Variants in KCNQ5 observed in about 807,000 individuals in gnomAD.
KCNQ5 encodes the protein potassium voltage-gated channel subfamily KQT member 5.
KCNQ5 carries 30 observed loss-of-function variants against 98.2 expected under a neutral mutation model. That is an observed-to-expected ratio of 0.31 (90% CI 0.23 to 0.41). The LOEUF (loss-of-function observed/expected upper bound fraction) is 0.41, where lower values mean the gene tolerates loss of function less well. Among genes scored for constraint, KCNQ5 ranks in the 10% least tolerant of loss-of-function variants. The probability of loss-of-function intolerance (pLI) is 1.00; values close to 1 mark genes in which losing one functional copy is unlikely to be tolerated. For synonymous variants in KCNQ5, 458 were observed against 449.4 expected (o/e 1.02, Z -0.24); for missense variants, 835 against 1,182.5 (o/e 0.71, Z 4.31).
intron 1 of KCNQ5, among the ~76,000 whole-genome samples, chr6:72,769,961 C>T (rs1355287505): frequency 1.3e-5 from 2 of 152,072 alleles, no homozygotes; most frequent in Admixed American, 6.6e-5. Context: ...TCTCTCACAC[C>T]CTCCTGGACA....
intron 2 of KCNQ5, among the ~76,000 whole-genome samples, chr6:73,019,954 T>C (rs1770515373): frequency 6.6e-6 from 1 of 152,198 alleles, no homozygotes; most frequent in African/African-American, 2.4e-5. Flanking sequence ...CCAAATATTT[T>C]TTAGAATTAA....
At chr6:72,769,867 T>C (rs970039007) in intron 1 of KCNQ5, among the ~76,000 whole-genome samples, 1 of 152,116 alleles carries the variant, frequency 6.6e-6, no homozygotes, top group Non-Finnish European at 1.5e-5. Context: ...TGCAAAGAAC[T>C]CAACAGCTGT....
intron 11 of KCNQ5, among the ~76,000 whole-genome samples, chr6:73,177,577 G>A (rs1425566317): frequency 6.6e-6 from 1 of 152,160 alleles, no homozygotes; most frequent in Admixed American, 6.5e-5. Context: ...TCATATTTCA[G>A]GCAAGAATAC....
chr6:73,061,475 A>G (rs1772777416), intron 3 of KCNQ5, among the ~76,000 whole-genome samples: 1 of 152,132 alleles, frequency 6.6e-6, no homozygotes, highest in Non-Finnish European at 1.5e-5. Flanking sequence ...CAATATTTGG[A>G]TGGGTTAATG....
Position 72,622,126 on chromosome 6 carries a change from C to A in KCNQ5, c.-64C>A. 8.3e-7 allele frequency: 1 copy of A among 1,200,520 alleles called. No individual in the cohort carries two copies. The highest frequency in any genetic ancestry group is 1.0e-6 in the Non-Finnish European group (1 of 965,314). The allele number at this position is 1,200,520 out of a possible 1,614,324, so 74.4% of individuals were successfully genotyped here. On this transcript the variant is annotated 5_prime_UTR_variant, in exon 1 of 14. Transcript: ENST00000370398. This position sits in a 1 kb window ranked among gnomAD's most constrained non-coding sequence, Gnocchi z 6.0. ...GCTTCCTCCTTGAAACCCGCCGGCGCACATGAGGCCGCTGCCCCCGCCGCA... is the reference window on the plus strand; with the variant it reads ...GCTTCCTCCTTGAAACCCGCCGGCGAACATGAGGCCGCTGCCCCCGCCGCA...
chr6:72,809,096 C>T (rs1225631581), intron 1 of KCNQ5, among the ~76,000 whole-genome samples: 1 of 151,606 alleles, frequency 6.6e-6, no homozygotes, highest in Non-Finnish European at 1.5e-5. Flanking sequence ...TTTGTAGGGA[C>T]ATGGATGAAA....
At chr6:73,093,768 G>C (rs1305078313) in intron 5 of KCNQ5, among the ~76,000 whole-genome samples, 1 of 152,114 alleles carries the variant, frequency 6.6e-6, no homozygotes, top group African/African-American at 2.4e-5. Flanking sequence ...TGGTCTGAGA[G>C]AGTGCTTGAT....
chr6:73,146,073 C>G (rs1004453600), intron 10 of KCNQ5, among the ~76,000 whole-genome samples: 3 of 152,160 alleles, frequency 2.0e-5, no homozygotes, highest in African/African-American at 7.2e-5. Context: ...GGTGGGGATA[C>G]AGAGCGAAAC....
chr6:73,146,940 G>A (rs1488712624), intron 10 of KCNQ5, among the ~76,000 whole-genome samples: 2 of 152,094 alleles, frequency 1.3e-5, no homozygotes, highest in African/African-American at 4.8e-5. Flanking sequence ...TTTTCACCAG[G>A]CTGTGAGTTT....
intron 1 of KCNQ5, among the ~76,000 whole-genome samples, chr6:72,760,820 G>A (rs565950924): frequency 6.6e-6 from 1 of 152,200 alleles, no homozygotes; most frequent in African/African-American, 2.4e-5. Context: ...AAGTACAGTA[G>A]TGTCTGTACT....
At chr6:73,078,005 T>G (rs917538946) in intron 5 of KCNQ5, 118 bp downstream of exon 5, 9 of 824,784 alleles carry the variant, frequency 1.1e-5, no homozygotes, top group Non-Finnish European at 1.6e-5. Context: ...AAGAGAGTTA[T>G]ATGGAAAATA....
At chr6:72,926,873 C>T (rs1345541817) in intron 1 of KCNQ5, among the ~76,000 whole-genome samples, 1 of 152,064 alleles carries the variant, frequency 6.6e-6, no homozygotes, top group Non-Finnish European at 1.5e-5. Context: ...ACATTAGCAC[C>T]TCTTAATAAA....
intron 1 of KCNQ5, among the ~76,000 whole-genome samples, chr6:72,785,795 C>A (rs1187517165): frequency 6.6e-6 from 1 of 152,154 alleles, no homozygotes; most frequent in Non-Finnish European, 1.5e-5. Context: ...GAAGCTAAAT[C>A]ATCACCGCTT....
chr6:73,029,843 G>A (rs1348525100), intron 2 of KCNQ5, among the ~76,000 whole-genome samples: 1 of 145,058 alleles, frequency 6.9e-6, no homozygotes, highest in African/African-American at 2.5e-5. Flanking sequence ...CCTGGGAGGC[G>A]GAGCTTGCAG....
chr6:72,984,656 C>T (rs1768663058), intron 1 of KCNQ5, among the ~76,000 whole-genome samples: 1 of 152,216 alleles, frequency 6.6e-6, no homozygotes, highest in Non-Finnish European at 1.5e-5. Context: ...CCCCCCACCC[C>T]TTGTGCTTCC....
chr6:72,862,015 T>G lies in KCNQ5; in HGVS notation c.399-141893T>G, dbSNP rs1222944452. Among the ~76,000 whole-genome samples the G allele has an allele frequency of 2.6e-5, 4 of 152,162 alleles. No homozygotes were observed. The South Asian group carries it at 8.3e-4, about 32-fold the overall frequency. ...ATGACTTCCCGGCCCTACTAAATCT[T>G]TAGTACATGTGGTTCTGGCTGGCAG... On this transcript the variant is annotated intron_variant, in intron 1 of 13. Transcript: ENST00000370398.
In KCNQ5 at chr6:72,622,408, T is replaced by A; in HGVS notation, c.219T>A (p.Gly73=). ...CGGCCACGCTCGGTGGCGGCGGCGG[T>A]GGCCTGAGGGAGAGCCGCCGGGGCA... ...TRAATLGGGG[G]GLRESRRGKQ... Residue 73 remains glycine, a synonymous_variant, in exon 1 of 14, where the codon GGT becomes GGA. Transcript: ENST00000370398. This position sits in a 1 kb window ranked among gnomAD's most constrained non-coding sequence, Gnocchi z 6.0. 6.6e-7 allele frequency: 1 copy of A among 1,504,470 alleles called. No individual in the cohort carries two copies. The highest frequency in any genetic ancestry group is 8.9e-7 in the Non-Finnish European group (1 of 1,127,210). The allele number at this position is 1,504,470 out of a possible 1,614,324, so 93.2% of individuals were successfully genotyped here.
intron 1 of KCNQ5, among the ~76,000 whole-genome samples, chr6:72,927,361 A>T (rs1765474578): frequency 6.6e-6 from 1 of 152,138 alleles, no homozygotes. Flanking sequence ...CACTTTGGAA[A>T]ACTGTTTGAT....
chr6:72,940,973 T>C (rs1766203408), intron 1 of KCNQ5, among the ~76,000 whole-genome samples: 1 of 151,974 alleles, frequency 6.6e-6, no homozygotes, highest in Non-Finnish European at 1.5e-5. Flanking sequence ...AAGAAAAAAA[T>C]TAGATGACTG....
Sources: allele counts gnomAD v4.1 joint callset (sites outside exome capture counted in the v4.1 genomes callset), GRCh38; gene constraint gnomAD v4.1.1; non-coding constraint Gnocchi (gnomAD v3.1); transcripts MANE v1.5; gene names NCBI Gene and HGNC (gene_info 2026-07-23, HGNC 2026-07-21).